The following DDTL variants were observed in gnomAD, a reference collection of about 807,000 sequenced individuals.
DDTL encodes the protein D-dopachrome tautomerase like, also known as putative D-dopachrome decarboxylase-like protein.
In DDTL, 1 loss-of-function variant was observed where a neutral mutation model predicts 1.1. The observed-to-expected ratio is 0.91, with a 90% CI of 0.32 to 4.31. The LOEUF is 4.31. DDTL is among the 30% of genes most tolerant of loss of function. DDTL has a pLI of 0.17. For missense variants in DDTL, 54 were observed against 48.9 expected (o/e 1.10, Z -0.31); for synonymous variants, 21 against 16.6 (o/e 1.26, Z -0.64).
intron 2 of DDTL, chr22:23,969,986 T>G (rs1333717977): frequency 2.4e-6 from 1 of 414,454 alleles, no homozygotes; most frequent in African/African-American, 2.2e-5. Context: ...AGCAGGATCC[T>G]CATGTCACCT....
chr22:23,969,180 A>G, intron 2 of DDTL: 1 of 985,346 alleles, frequency 1.0e-6, no homozygotes, highest in Non-Finnish European at 1.2e-6. Context: ...CAATTTTATG[A>G]TGAGAAGACT....
At chr22:23,971,156 C>T in intron 2 of DDTL, 130 bp from the exon 3 acceptor site, 2 of 1,387,160 alleles carry the variant, frequency 1.4e-6, no homozygotes, top group Admixed American at 2.3e-5. Flanking sequence ...GGTCAGCAGT[C>T]TGCAGGAAGG....
rs759969432 is a variant in DDTL, at chr22:23,971,593, G to A, written c.*187G>A. On this transcript the variant is annotated 3_prime_UTR_variant, in exon 3 of 3. Coordinates refer to ENST00000215770, the MANE Select transcript of DDTL (RefSeq NM_001084393.2). ...CCGTCCCTATCTTGCCAATCTGCCA[G>A]GACTCCAAGGGGAAAAAGCGGATAA... The A allele has an allele frequency of 4.3e-6, 7 of 1,614,110 alleles. No individual in the cohort carries two copies. In the Admixed American group the frequency reaches 1.2e-4, roughly 27 times the overall value.
At position 23,971,348 on chromosome 22, in the gene DDTL, T is replaced by C. The variant is rs751721910; in HGVS notation, c.347T>C (p.Ile116Thr). The change falls in exon 3 of 3, where the codon ATA (isoleucine) becomes ACA (threonine). Residue 116 changes from isoleucine (I) to threonine (T), a missense_variant. Transcript: ENST00000215770. Reference sequence around the variant, plus strand: ...GGTGGCCCCAGATGCCCAGGAGAGATAATAGAAGGTAAGAAGTCATGTTTG... The same window carrying C: ...GGTGGCCCCAGATGCCCAGGAGAGACAATAGAAGGTAAGAAGTCATGTTTG... ...AHGGPRCPGE[I>T]IEGKKSCLNE... is the part of the protein sequence containing the mutation. 1 of 1,614,066 alleles carries C rather than the reference T, an allele frequency of 6.2e-7. No homozygotes were observed. The highest frequency in any genetic ancestry group is 1.1e-5 in the South Asian group (1 of 91,072).
In DDTL at chr22:23,971,356, G is replaced by A; in HGVS notation, c.355G>A (p.Gly119Ser). Residue 119 changes from glycine (G) to serine (S), a missense_variant, in exon 3 of 3, where the codon GGT becomes AGT. By Grantham distance (56) the Gly-to-Ser change is moderately conservative. Coordinates refer to ENST00000215770, the MANE Select transcript of DDTL (RefSeq NM_001084393.2). ...GPRCPGEIIEGKKSCLNEEAL... is the reference protein window; with the variant it reads ...GPRCPGEIIESKKSCLNEEAL... Reference sequence around the variant, plus strand: ...CAGATGCCCAGGAGAGATAATAGAAGGTAAGAAGTCATGTTTGAATGAGGA... The same window carrying A: ...CAGATGCCCAGGAGAGATAATAGAAAGTAAGAAGTCATGTTTGAATGAGGA... 2 of 1,614,078 alleles carry A rather than the reference G, an allele frequency of 1.2e-6. No homozygotes were observed. The highest frequency in any genetic ancestry group is 8.5e-7 in the Non-Finnish European group (1 of 1,179,984).
chr22:23,969,509 C>G, intron 2 of DDTL: 1 of 985,750 alleles, frequency 1.0e-6, no homozygotes. Flanking sequence ...GCCACCATTC[C>G]ACACCTGAGT....
In DDTL at chr22:23,971,735, A is replaced by C. The variant is rs1807448095; in HGVS notation, c.*329A>C. The stretch of plus-strand genomic sequence containing the variant: ...TACTCAGGACAGCCTGCCTCAGTCC[A>C]CCAGGCATTTTGCAAACCTGCTCAT... On this transcript the variant is annotated 3_prime_UTR_variant, in exon 3 of 3. Transcript: ENST00000215770. 4 of 965,660 alleles carry C rather than the reference A, an allele frequency of 4.1e-6. No homozygotes were observed. The highest frequency in any genetic ancestry group is 6.1e-6 in the Non-Finnish European group (4 of 651,156). The allele number at this position is 965,660 out of a possible 1,614,324, so 59.8% of individuals were successfully genotyped here.
intron 2 of DDTL, among the ~76,000 whole-genome samples, chr22:23,970,312 G>C (rs2033876974): frequency 1.3e-5 from 2 of 152,178 alleles, no homozygotes; most frequent in Admixed American, 6.5e-5. Flanking sequence ...ATATGTGTGT[G>C]ATGTGAGTGA....
intron 2 of DDTL, chr22:23,969,355 G>A (rs554902250): frequency 2.8e-5 from 28 of 985,492 alleles, no homozygotes; most frequent in Admixed American, 1.8e-4. Flanking sequence ...GGTGTCTGAG[G>A]TACTGTGTCC....
At position 23,969,313 on chromosome 22, in the gene DDTL, G is replaced by A. The variant is rs2033857754; in HGVS notation, c.284+1752G>A. The A allele has an allele frequency of 4.1e-6, 4 of 984,134 alleles. No homozygotes were observed. In the South Asian group the frequency reaches 1.9e-4, roughly 46 times the overall value. 61.0% of individuals were successfully genotyped at this position (984,134 alleles called of 1,614,324 possible). A position where few individuals can be genotyped will look rare whatever the true frequency, so the allele number is the denominator to read the frequency against. On this transcript the variant is annotated intron_variant, in intron 2 of 2. Transcript: ENST00000215770. Reference sequence around the variant, plus strand: ...TATGGCACAGACATTAGTGGTGGGGGGGCCACCCTGTGCCCAACCTTTGAG... The same window carrying A: ...TATGGCACAGACATTAGTGGTGGGGAGGCCACCCTGTGCCCAACCTTTGAG...
rs968755165 is a variant in DDTL, at chr22:23,971,433, C to A, written c.*27C>A. ...GATGAAGAAGAGGATTATGTGATCA[C>A]AGGAATGTTGCATGCGGGATAATCC... On this transcript the variant is annotated 3_prime_UTR_variant, in exon 3 of 3. Coordinates refer to ENST00000215770, the MANE Select transcript of DDTL (RefSeq NM_001084393.2). The A allele has an allele frequency of 6.2e-7, 1 of 1,610,454 alleles. No homozygotes were observed. Among genetic ancestry groups the A allele is most frequent in the African/African-American group, 1.3e-5 (1 of 74,824 alleles).
At chr22:23,969,575 G>C in intron 2 of DDTL, 1 of 971,012 alleles carries the variant, frequency 1.0e-6, no homozygotes, top group African/African-American at 1.9e-5. Flanking sequence ...GAGCACTTTT[G>C]CAAAATGGGC....
chr22:23,971,237 CT>C (rs781739170), intron 2 of DDTL, 48 bp from the exon 3 acceptor site: 1 of 1,560,996 alleles, frequency 6.4e-7, no homozygotes, highest in South Asian at 1.2e-5. Context: ...AGCCTCCAGG[CT>C]GAGTCTCCCA....
Position 23,971,732 on chromosome 22 carries a change from TC to T in DDTL, c.*328del. 2 of 981,402 alleles carry T rather than the reference TC, an allele frequency of 2.0e-6. No homozygotes were observed. The highest frequency in any genetic ancestry group is 3.0e-6 in the Non-Finnish European group (2 of 663,448). The allele number at this position is 981,402 out of a possible 1,614,324, so 60.8% of individuals were successfully genotyped here. ...GGGTACTCAGGACAGCCTGCCTCAG[TC>T]CACCAGGCATTTTGCAAACCTGCTC... On this transcript the variant is annotated 3_prime_UTR_variant, in exon 3 of 3. Coordinates refer to ENST00000215770, the MANE Select transcript of DDTL (RefSeq NM_001084393.2).
At chr22:23,969,537 G>A in intron 2 of DDTL, 1 of 985,320 alleles carries the variant, frequency 1.0e-6, no homozygotes, top group Non-Finnish European at 1.2e-6. Context: ...TGCCCTGCTG[G>A]GGGTTGGGGA....
In DDTL at chr22:23,971,585, A is replaced by G. The variant is rs754046320; in HGVS notation, c.*179A>G. On this transcript the variant is annotated 3_prime_UTR_variant, in exon 3 of 3. Coordinates refer to ENST00000215770, the MANE Select transcript of DDTL (RefSeq NM_001084393.2). ...AGTCATGACCGTCCCTATCTTGCCA[A>G]TCTGCCAGGACTCCAAGGGGAAAAA... The G allele has an allele frequency of 8.4e-5, 135 of 1,614,138 alleles. No individual in the cohort carries two copies. Among genetic ancestry groups the G allele is most frequent in the Middle Eastern group, 1.6e-4 (1 of 6,062 alleles).
In DDTL at chr22:23,971,605, G is replaced by A. The variant is rs751140658; in HGVS notation, c.*199G>A. On this transcript the variant is annotated 3_prime_UTR_variant, in exon 3 of 3. Transcript: ENST00000215770. ...TGCCAATCTGCCAGGACTCCAAGGGGAAAAAGCGGATAAGTATCCTTCAGG... is the reference window on the plus strand; with the variant it reads ...TGCCAATCTGCCAGGACTCCAAGGGAAAAAAGCGGATAAGTATCCTTCAGG... 6 of 1,613,748 alleles carry A rather than the reference G, an allele frequency of 3.7e-6. No homozygotes were observed. Among genetic ancestry groups the A allele is most frequent in the Non-Finnish European group, 5.1e-6 (6 of 1,179,934 alleles).
Position 23,972,338 on chromosome 22 carries a change from G to A in DDTL, c.*932G>A. On this transcript the variant is annotated 3_prime_UTR_variant, in exon 3 of 3. Coordinates refer to ENST00000215770, the MANE Select transcript of DDTL (RefSeq NM_001084393.2). ...AACAGTTTTCCCTGAGTATCCGTGG[G>A]AGATTTGTTCTAGAATCCCCAGAGG... 1.8e-6 allele frequency: 1 copy of A among 548,594 alleles called. No homozygotes were observed. The highest frequency in any genetic ancestry group is 1.6e-4 in the East Asian group (1 of 6,428). 34.0% of individuals were successfully genotyped at this position (548,594 alleles called of 1,614,324 possible).
chr22:23,969,819 A>G (rs750424402), intron 2 of DDTL: 11 of 985,762 alleles, frequency 1.1e-5, no homozygotes, highest in African/African-American at 3.5e-5. Flanking sequence ...GATTGTTCCT[A>G]ATTGGATGGT....
Sources: allele counts gnomAD v4.1 joint callset (sites outside exome capture counted in the v4.1 genomes callset), GRCh38; gene constraint gnomAD v4.1.1; transcripts MANE v1.5; gene names NCBI Gene and HGNC (gene_info 2026-07-23, HGNC 2026-07-21).